The following KCTD16 variants were observed in gnomAD, a reference collection of about 807,000 sequenced individuals.
The protein encoded by KCTD16 is potassium channel tetramerization domain containing 16.
A neutral mutation model predicts 33.2 loss-of-function variants in KCTD16; 13 were observed. That is an observed-to-expected ratio of 0.39 (90% CI 0.25 to 0.62). KCTD16 has a LOEUF of 0.62. Ranked by LOEUF, KCTD16 falls within the 20% of genes least tolerant of loss-of-function variation. The probability of loss-of-function intolerance (pLI) is 0.50; values close to 1 mark genes in which losing one functional copy is unlikely to be tolerated. For synonymous variants in KCTD16, 197 were observed against 195.3 expected (o/e 1.01, Z -0.07); for missense variants, 441 against 525.1 (o/e 0.84, Z 1.57).
chr5:144,201,544 G>C (rs920381495), intron 2 of KCTD16, among the ~76,000 whole-genome samples: 4 of 152,140 alleles, frequency 2.6e-5, no homozygotes, highest in African/African-American at 9.7e-5. Flanking sequence ...CATTTATTAA[G>C]CACTTGCTAA....
chr5:144,405,621 C>A (rs1752794520), intron 3 of KCTD16, among the ~76,000 whole-genome samples: 1 of 152,184 alleles, frequency 6.6e-6, no homozygotes, highest in Non-Finnish European at 1.5e-5. Flanking sequence ...GACTTAGATT[C>A]TCTGCTTTGC....
At chr5:144,173,030 G>T (rs1214256510) in intron 1 of KCTD16, among the ~76,000 whole-genome samples, 3 of 152,204 alleles carry the variant, frequency 2.0e-5, no homozygotes, top group African/African-American at 7.2e-5. Context: ...CACTGTTAGT[G>T]AGAGTGTAAA....
intron 3 of KCTD16, among the ~76,000 whole-genome samples, chr5:144,298,500 G>A (rs1344324277): frequency 2.0e-5 from 3 of 152,198 alleles, no homozygotes; most frequent in Non-Finnish European, 4.4e-5. Flanking sequence ...ACAGGCCTAG[G>A]TGTAGGTACT....
At chr5:144,387,022 A>G (rs1561588760) in intron 3 of KCTD16, among the ~76,000 whole-genome samples, 1 of 151,974 alleles carries the variant, frequency 6.6e-6, no homozygotes, top group Non-Finnish European at 1.5e-5. Context: ...GGTACAGTGC[A>G]GTGGCTGGTT....
At position 144,336,378 on chromosome 5, in the gene KCTD16, G is replaced by A. The variant is rs188561050; in HGVS notation, c.832+128832G>A. Among the ~76,000 whole-genome samples, 105 of 152,318 alleles carry A rather than the reference G, an allele frequency of 6.9e-4. 1 individual carries two copies. The South Asian group carries it at 0.018, about 26-fold the overall frequency. On this transcript the variant is annotated intron_variant, in intron 3 of 3. Transcript: ENST00000512467. ...TGCTAATCCAAGACTGGAACGGGCTGTGCACAAATGAGGCAATTCGGAAGC... is the reference window on the plus strand; with the variant it reads ...TGCTAATCCAAGACTGGAACGGGCTATGCACAAATGAGGCAATTCGGAAGC...
At chr5:144,410,422 T>A (rs1752907145) in intron 3 of KCTD16, among the ~76,000 whole-genome samples, 1 of 152,244 alleles carries the variant, frequency 6.6e-6, no homozygotes, top group Non-Finnish European at 1.5e-5. Flanking sequence ...GTCCTACCTG[T>A]ATGTAACCTC....
At chr5:144,200,314 CTG>C (rs1486568804) in intron 2 of KCTD16, among the ~76,000 whole-genome samples, 4 of 152,138 alleles carry the variant, frequency 2.6e-5, no homozygotes, top group South Asian at 2.1e-4. Context: ...CAGGGAGAAA[CTG>C]TGAGAGAAAT....
chr5:144,375,115 C>G (rs752390064), intron 3 of KCTD16, among the ~76,000 whole-genome samples: 1 of 152,188 alleles, frequency 6.6e-6, no homozygotes, highest in African/African-American at 2.4e-5. Flanking sequence ...ATAGGGAAGG[C>G]CTTCATTCTG....
chr5:144,383,000 T>C (rs773313578), intron 3 of KCTD16: 5 of 152,222 alleles, frequency 3.3e-5, no homozygotes, highest in Non-Finnish European at 7.3e-5. Flanking sequence ...GTTTTCCTAA[T>C]CTGCTCTGGC....
rs1302898942 is a variant in KCTD16 at position 144,479,452 on chromosome 5, T to C, written c.*5338T>C. On this transcript the variant is annotated 3_prime_UTR_variant, in exon 4 of 4. Transcript: ENST00000512467. Reference sequence around the variant, plus strand: ...AATGATCCAATTGACCCTATTCATTTAACAGAGTAACTGGATACATACCAA... The same window carrying C: ...AATGATCCAATTGACCCTATTCATTCAACAGAGTAACTGGATACATACCAA... The C allele has an allele frequency of 6.6e-6, 1 of 151,654 alleles. No individual in the cohort carries two copies. Among genetic ancestry groups the C allele is most frequent in the East Asian group, 1.9e-4 (1 of 5,164 alleles). 9.4% of individuals were successfully genotyped at this position (151,654 alleles called of 1,614,324 possible). A position where few individuals can be genotyped will look rare whatever the true frequency, so the allele number is the denominator to read the frequency against.
intron 2 of KCTD16, among the ~76,000 whole-genome samples, chr5:144,192,433 C>T (rs576019847): frequency 1.3e-5 from 2 of 152,310 alleles, no homozygotes; most frequent in South Asian, 4.1e-4. Context: ...TACATTTTGT[C>T]ATGAGGTTTC....
intron 3 of KCTD16, among the ~76,000 whole-genome samples, chr5:144,248,194 G>A (rs1754602033): frequency 6.6e-6 from 1 of 152,176 alleles, no homozygotes; most frequent in Non-Finnish European, 1.5e-5. Flanking sequence ...GGAGAGTAGG[G>A]GGCAGTAGTG....
At chr5:144,233,490 G>T (rs994107142) in intron 3 of KCTD16, among the ~76,000 whole-genome samples, 3 of 152,098 alleles carry the variant, frequency 2.0e-5, no homozygotes, top group Non-Finnish European at 4.4e-5. Flanking sequence ...GGAAAGAAAT[G>T]TCTGAGAGTT....
In KCTD16 at chr5:144,252,552, A is replaced by G. The variant is rs978280051; in HGVS notation, c.832+45006A>G. Reference sequence around the variant, plus strand: ...AAAACTCAAAGAGCCAAAAGTGTTCACCTTTGAATAGTACAGGCTAGGGTG... The same window carrying G: ...AAAACTCAAAGAGCCAAAAGTGTTCGCCTTTGAATAGTACAGGCTAGGGTG... On this transcript the variant is annotated intron_variant, in intron 3 of 3. Coordinates refer to ENST00000512467, the MANE Select transcript of KCTD16 (RefSeq NM_020768.4). Among the ~76,000 whole-genome samples, 7 of 151,966 alleles carry G rather than the reference A, an allele frequency of 4.6e-5. No homozygotes were observed. In the South Asian group the frequency reaches 6.2e-4, roughly 14 times the overall value.
intron 3 of KCTD16, among the ~76,000 whole-genome samples, chr5:144,327,972 G>T (rs1446114025): frequency 6.6e-6 from 1 of 152,112 alleles, no homozygotes; most frequent in East Asian, 1.9e-4. Flanking sequence ...CTGAGGGCGT[G>T]TGTTTATTTA....
chr5:144,287,621 G>T (rs1755780825), intron 3 of KCTD16, among the ~76,000 whole-genome samples: 2 of 151,990 alleles, frequency 1.3e-5, no homozygotes. Context: ...CAAGGTTATA[G>T]TCTTTAATAA....
At chr5:144,346,453 T>C (rs1752803192) in intron 3 of KCTD16, among the ~76,000 whole-genome samples, 2 of 152,156 alleles carry the variant, frequency 1.3e-5, no homozygotes, top group Non-Finnish European at 2.9e-5. Flanking sequence ...AAAGTGGCTG[T>C]GCTCATTTAC....
intron 3 of KCTD16, among the ~76,000 whole-genome samples, chr5:144,383,659 A>T (rs560294206): frequency 6.6e-6 from 1 of 152,180 alleles, no homozygotes; most frequent in South Asian, 2.1e-4. Flanking sequence ...CTTTTACAAA[A>T]GCCCATGAGG....
At position 144,464,461 on chromosome 5, in the gene KCTD16, A is replaced by C. The variant is rs868349873; in HGVS notation, c.833-9199A>C. ...GCCTCAACTGAGGAGGGGAGGTACT[A>C]ATGGCAATAAATGGATAGAGGCCAC... On this transcript the variant is annotated intron_variant, in intron 3 of 3. Coordinates refer to ENST00000512467, the MANE Select transcript of KCTD16 (RefSeq NM_020768.4). Among the ~76,000 whole-genome samples, 38 of 152,298 alleles carry C rather than the reference A, an allele frequency of 2.5e-4. 1 individual carries two copies. The highest frequency in any genetic ancestry group is 6.8e-3 in the Middle Eastern group (2 of 294).
Sources: gnomAD v4.1 joint callset for allele counts (sites outside exome capture counted in the v4.1 genomes callset) on GRCh38, gnomAD v4.1.1 for gene constraint, MANE v1.5 for transcripts, NCBI Gene and HGNC (gene_info 2026-07-23, HGNC 2026-07-21) for gene names.